The following ERC2 variants were observed in gnomAD, a reference collection of about 807,000 sequenced individuals.
The protein encoded by ERC2 is ERC protein 2.
ERC2 carries 42 observed loss-of-function variants against 114.8 expected under a neutral mutation model. The observed-to-expected ratio is 0.37, with a 90% CI of 0.29 to 0.47. ERC2 has a LOEUF of 0.47. Ranked by LOEUF, ERC2 falls within the 20% of genes least tolerant of loss-of-function variation. ERC2 has a pLI of 0.99. For missense variants in ERC2, 939 were observed against 1,150.7 expected (o/e 0.82, Z 2.66); for synonymous variants, 454 against 425.5 (o/e 1.07, Z -0.82).
intron 3 of ERC2, among the ~76,000 whole-genome samples, chr3:56,234,713 G>A (rs1342963113): frequency 6.6e-6 from 1 of 152,178 alleles, no homozygotes; most frequent in Non-Finnish European, 1.5e-5. Flanking sequence ...CCTTCTTGCT[G>A]CATTGTCCAA....
At chr3:56,240,492 A>G (rs1325106442) in intron 3 of ERC2, among the ~76,000 whole-genome samples, 1 of 152,216 alleles carries the variant, frequency 6.6e-6, no homozygotes. Context: ...AAACTAAAAT[A>G]CCTAAAGTAA....
At position 55,950,466 on chromosome 3, in the gene ERC2, T is replaced by G; in HGVS notation, c.2362A>C (p.Arg788=). 1 of 1,614,068 alleles carries G rather than the reference T, an allele frequency of 6.2e-7. No individual in the cohort carries two copies. The change falls in exon 13 of 18, where the codon AGG becomes CGG. Residue 788 remains arginine (R), a synonymous_variant. Coordinates refer to ENST00000288221, the MANE Select transcript of ERC2 (RefSeq NM_015576.3). ...TTGTCAGCCATGCTGTCTTCTCGCC[T>G]GCGCACTTCTTCTAGTAACTGAGCA... ...KNAQLLEEVR[R]REDSMADNSQ...
At chr3:55,617,992 TTAGA>T (rs2059188299) in intron 17 of ERC2, among the ~76,000 whole-genome samples, 1 of 151,790 alleles carries the variant, frequency 6.6e-6, no homozygotes, top group Non-Finnish European at 1.5e-5. Flanking sequence ...CTCTAAAATT[TTAGA>T]TAGAGCATTA....
chr3:55,638,246 A>G (rs2060034161), intron 17 of ERC2, among the ~76,000 whole-genome samples: 1 of 152,158 alleles, frequency 6.6e-6, no homozygotes, highest in Non-Finnish European at 1.5e-5. Flanking sequence ...AACCTCCTCC[A>G]TGGGGTTTTT....
intron 13 of ERC2, among the ~76,000 whole-genome samples, chr3:55,932,247 GCCTCTTT>G (rs1489748403): frequency 2.6e-5 from 4 of 152,018 alleles, no homozygotes; most frequent in Non-Finnish European, 5.9e-5. Flanking sequence ...AAAATATAAT[GCCTCTTT>G]CCTTTTATGT....
intron 14 of ERC2, among the ~76,000 whole-genome samples, chr3:55,776,140 T>TTTGTTGTTG (rs553669928): frequency 1.3e-4 from 19 of 151,784 alleles, no homozygotes; most frequent in African/African-American, 4.6e-4. Flanking sequence ...TAGAATGTTA[T>TTTGTTGTTG]TTGTTGTTGT....
intron 13 of ERC2, among the ~76,000 whole-genome samples, chr3:55,893,784 C>T (rs369466534): frequency 7.9e-5 from 12 of 152,180 alleles, no homozygotes; most frequent in African/African-American, 2.9e-4. Flanking sequence ...TGACACCCCT[C>T]CCACATGTAT....
intron 4 of ERC2, among the ~76,000 whole-genome samples, chr3:56,165,426 C>G (rs189901490): frequency 6.6e-6 from 1 of 151,138 alleles, no homozygotes; most frequent in South Asian, 2.1e-4. Flanking sequence ...CCTATTAACT[C>G]GTCATCTAGC....
chr3:56,354,192 A>T (rs1365284117), intron 2 of ERC2, among the ~76,000 whole-genome samples: 1 of 152,266 alleles, frequency 6.6e-6, no homozygotes, highest in African/African-American at 2.4e-5. Flanking sequence ...ACTAGTATCT[A>T]CAAACATTTG....
chr3:55,774,798 T>A (rs919492121), intron 14 of ERC2, among the ~76,000 whole-genome samples: 1 of 152,214 alleles, frequency 6.6e-6, no homozygotes. Flanking sequence ...AAAAAGAAAG[T>A]CCTTCATCAA....
intron 14 of ERC2, among the ~76,000 whole-genome samples, chr3:55,877,808 G>A (rs1442226938): frequency 6.6e-6 from 1 of 152,072 alleles, no homozygotes; most frequent in East Asian, 1.9e-4. Flanking sequence ...TCTTCCTTCA[G>A]GATTTGATGT....
At chr3:55,619,973 C>T (rs1317572377) in intron 17 of ERC2, among the ~76,000 whole-genome samples, 2 of 152,196 alleles carry the variant, frequency 1.3e-5, no homozygotes, top group East Asian at 3.8e-4. Context: ...CTCTCAAATT[C>T]ATTAAAGAAA....
chr3:56,399,473 A>G (rs910226997), intron 2 of ERC2, among the ~76,000 whole-genome samples: 3 of 152,216 alleles, frequency 2.0e-5, no homozygotes, highest in Admixed American at 6.5e-5. Context: ...TCTCAATTAC[A>G]TCAATAAATT....
intron 14 of ERC2, among the ~76,000 whole-genome samples, chr3:55,785,363 T>C (rs768816482): frequency 6.6e-6 from 1 of 152,244 alleles, no homozygotes; most frequent in Non-Finnish European, 1.5e-5. Context: ...GTTGAACTCA[T>C]AAGGTTTCAA....
chr3:55,593,044 A>G (rs1251319849), intron 17 of ERC2, among the ~76,000 whole-genome samples: 1 of 152,238 alleles, frequency 6.6e-6, no homozygotes, highest in Non-Finnish European at 1.5e-5. Context: ...TGCTGGTGCT[A>G]CAATGGCAAG....
intron 13 of ERC2, among the ~76,000 whole-genome samples, chr3:55,928,177 CCTCCAAACTGTT>C (rs1439587241): frequency 6.6e-6 from 1 of 152,116 alleles, no homozygotes; most frequent in Non-Finnish European, 1.5e-5. Context: ...TTTTAAGGAA[CCTCCAAACTGTT>C]CTCCATAGTG....
At chr3:55,545,424 C>A (rs770994897) in intron 17 of ERC2, among the ~76,000 whole-genome samples, 1 of 152,176 alleles carries the variant, frequency 6.6e-6, no homozygotes, top group Non-Finnish European at 1.5e-5. Context: ...TTCTGCAGAG[C>A]GGCGGAAGGT....
At chr3:55,598,759 G>T (rs973823852) in intron 17 of ERC2, among the ~76,000 whole-genome samples, 1 of 152,192 alleles carries the variant, frequency 6.6e-6, no homozygotes, top group Non-Finnish European at 1.5e-5. Flanking sequence ...CCTTTTTACC[G>T]AAGATTTCAG....
chr3:56,125,170 G>T (rs543881621), intron 6 of ERC2, among the ~76,000 whole-genome samples: 1 of 152,118 alleles, frequency 6.6e-6, no homozygotes, highest in African/African-American at 2.4e-5. Flanking sequence ...AATTAACAAG[G>T]TCTTATTCCC....
Sources: gnomAD v4.1 joint callset for allele counts (sites outside exome capture counted in the v4.1 genomes callset) on GRCh38, gnomAD v4.1.1 for gene constraint, MANE v1.5 for transcripts, NCBI Gene and HGNC (gene_info 2026-07-23, HGNC 2026-07-21) for gene names.